SYNC: variants seen among roughly 807,000 people sequenced by gnomAD.
The protein encoded by SYNC is syncoilin, intermediate filament protein, also known as syncoilin.
A neutral mutation model predicts 49.5 loss-of-function variants in SYNC; 38 were observed. The ratio of observed to expected loss-of-function variants is 0.77; its 90% CI spans 0.59 to 1.01. The LOEUF is 1.01. SYNC is among the 50% of genes least tolerant of loss of function. The pLI, the probability that SYNC is intolerant of heterozygous loss-of-function variation, is 0.00. For synonymous variants in SYNC, 201 were observed against 230.8 expected (o/e 0.87, Z 1.17); for missense variants, 579 against 580.6 (o/e 1.00, Z 0.03).
Position 32,679,939 on chromosome 1 carries a change from C to T in SYNC, c.*1911G>A, listed in dbSNP as rs758614329. 126 of 1,292,806 alleles carry T rather than the reference C, an allele frequency of 9.7e-5. No homozygotes were observed. Among genetic ancestry groups the T allele is most frequent in the Non-Finnish European group, 1.1e-4 (117 of 1,023,336 alleles). The allele number at this position is 1,292,806 out of a possible 1,614,324, so 80.1% of individuals were successfully genotyped here. A position where few individuals can be genotyped will look rare whatever the true frequency, so the allele number is the denominator to read the frequency against. On this transcript the variant is annotated 3_prime_UTR_variant, in exon 5 of 5. Transcript: ENST00000409190. ...TTTCTTCAGGAATTTTCTAGTAACC[C>T]AGGTCTAAAGTAGCTACAGAAAGGG... is the stretch of plus-strand genomic sequence containing the variant.
At chr1:32,692,424 A>T (rs1399629691) in intron 2 of SYNC, among the ~76,000 whole-genome samples, 2 of 152,180 alleles carry the variant, frequency 1.3e-5, no homozygotes, top group African/African-American at 2.4e-5. Context: ...TTTAAAAAAT[A>T]GGGTAAGGGG....
intron 4 of SYNC, chr1:32,683,768 G>A: frequency 2.3e-6 from 1 of 432,516 alleles, no homozygotes; most frequent in East Asian, 4.8e-5. Flanking sequence ...GAGTAGCTGG[G>A]ATTATAAGTG....
At chr1:32,689,939 CAA>C (rs11320062) in intron 2 of SYNC, among the ~76,000 whole-genome samples, 2,174 of 100,636 alleles carry the variant, frequency 0.022, 13 homozygotes, top group South Asian at 0.033. Flanking sequence ...GACACCGTCA[CAA>C]AAAAAAAAAA....
intron 1 of SYNC, among the ~76,000 whole-genome samples, chr1:32,699,273 C>A (rs1231218013): frequency 2.0e-5 from 3 of 150,978 alleles, no homozygotes; most frequent in African/African-American, 7.3e-5. Flanking sequence ...CCTGCCTCAG[C>A]CTCCTGAGTA....
At chr1:32,696,775 G>A (rs1272788255) in intron 1 of SYNC, among the ~76,000 whole-genome samples, 1 of 150,596 alleles carries the variant, frequency 6.6e-6, no homozygotes, top group East Asian at 2.0e-4. Flanking sequence ...TAATGTTGAG[G>A]TAAAACCTTC....
At chr1:32,702,796 A>C (rs1255470375), upstream of SYNC, 9 of 704,344 alleles carry the variant, frequency 1.3e-5, no homozygotes, top group East Asian at 1.2e-4. This position sits in a 1 kb window ranked among gnomAD's most constrained non-coding sequence, Gnocchi z 6.2. Flanking sequence ...GGGCGCGCCC[A>C]CTTGGCCGGG....
chr1:32,691,110 C>T (rs1268673727), intron 2 of SYNC, among the ~76,000 whole-genome samples: 8 of 151,710 alleles, frequency 5.3e-5, no homozygotes, highest in Non-Finnish European at 8.8e-5. Flanking sequence ...CCCAGCTACT[C>T]GGGAGGCTGA....
chr1:32,691,565 AAAAGT>A (rs966130691), intron 2 of SYNC, among the ~76,000 whole-genome samples: 7 of 35,554 alleles, frequency 2.0e-4, no homozygotes, highest in Non-Finnish European at 1.0e-3. Context: ...AAAAAAAAAA[AAAAGT>A]AGCAAGGCAA....
intron 1 of SYNC, among the ~76,000 whole-genome samples, chr1:32,699,500 C>T (rs419329): frequency 0.034 from 5,152 of 151,990 alleles, 237 homozygotes; most frequent in African/African-American, 0.1. Context: ...CTCCATCCCC[C>T]TCTTCTGCAT....
rs904375772 is a variant in SYNC at position 32,702,488 on chromosome 1, C to T, written c.53+120G>A. 14 of 1,011,404 alleles carry T rather than the reference C, an allele frequency of 1.4e-5. No homozygotes were observed. Among genetic ancestry groups the T allele is most frequent in the Non-Finnish European group, 1.4e-5 (11 of 805,738 alleles). The allele number at this position is 1,011,404 out of a possible 1,614,324, so 62.7% of individuals were successfully genotyped here. On this transcript the variant is annotated intron_variant, in intron 1 of 4. Coordinates refer to ENST00000409190, the MANE Select transcript of SYNC (RefSeq NM_030786.3). This position sits in a 1 kb window ranked among gnomAD's most constrained non-coding sequence, Gnocchi z 6.2. ...CTCACGAGGCGGCTCCAGTGCCCCA[C>T]CCCGGCTGGACCACTACCCCTAGAC...
At chr1:32,693,081 G>GGT (rs1553200329) in intron 2 of SYNC, among the ~76,000 whole-genome samples, 4 of 65,670 alleles carry the variant, frequency 6.1e-5, no homozygotes, top group Non-Finnish European at 7.5e-5. Context: ...TTTTTTGTTT[G>GGT]TTTGTTTTTG....
chr1:32,695,468 C>T lies in SYNC; in HGVS notation c.630G>A (p.Glu210=), dbSNP rs1473102158. Residue 210 remains glutamate, a synonymous_variant, in exon 2 of 5, where the codon GAG becomes GAA. Coordinates refer to ENST00000409190, the MANE Select transcript of SYNC (RefSeq NM_030786.3). Reference sequence around the variant, plus strand: ...GGATGTCTTGATGGACTTGCTGTACCTCCTGCAGGGCTGGTTCCCGGAGCA... The same window carrying T: ...GGATGTCTTGATGGACTTGCTGTACTTCCTGCAGGGCTGGTTCCCGGAGCA... ...LVLLREPALQ[E]VQQVHQDILA... 3.9e-6 allele frequency: 6 copies of T among 1,551,564 alleles called. No individual in the cohort carries two copies. In the Admixed American group the frequency reaches 1.2e-4, roughly 30 times the overall value.
intron 1 of SYNC, 73 bp from the exon 2 acceptor site, chr1:32,696,117 A>T: frequency 7.7e-7 from 1 of 1,297,992 alleles, no homozygotes; most frequent in South Asian, 1.4e-5. Context: ...GCCAGCAGCC[A>T]TGGGCCTAGA....
At position 32,702,757 on chromosome 1, in the gene SYNC, C is replaced by G; in HGVS notation, c.-97G>C. 9.9e-7 allele frequency: 1 copy of G among 1,007,570 alleles called. No individual in the cohort carries two copies. Among genetic ancestry groups the G allele is most frequent in the Non-Finnish European group, 1.2e-6 (1 of 829,988 alleles). The allele number at this position is 1,007,570 out of a possible 1,614,324, so 62.4% of individuals were successfully genotyped here. A position where few individuals can be genotyped will look rare whatever the true frequency, so the allele number is the denominator to read the frequency against. ...CGCCCGCCGCACTGCCAGCTGCAAC[C>G]GACACCGGATCCCGGCCGGCCCCGG... is the stretch of plus-strand genomic sequence containing the variant. On this transcript the variant is annotated 5_prime_UTR_variant, in exon 1 of 5. Transcript: ENST00000409190. The surrounding 1 kb of genome is among the most constrained non-coding windows in gnomAD (Gnocchi z 6.2).
At chr1:32,702,874 C>G (rs1052800614), upstream of SYNC, 35 of 196,358 alleles carry the variant, frequency 1.8e-4, no homozygotes, top group Non-Finnish European at 9.7e-6. The surrounding 1 kb of genome is among the most constrained non-coding windows in gnomAD (Gnocchi z 6.2). Context: ...CCCTCCCGGA[C>G]CAGCCTGGGG....
chr1:32,688,887 G>A (rs1041474102), intron 2 of SYNC, among the ~76,000 whole-genome samples: 1 of 150,180 alleles, frequency 6.7e-6, no homozygotes, highest in Non-Finnish European at 1.5e-5. Flanking sequence ...GGCCTCTGGA[G>A]TACAAACTCT....
At chr1:32,698,783 CT>C (rs113450268) in intron 1 of SYNC, among the ~76,000 whole-genome samples, 4,324 of 140,314 alleles carry the variant, frequency 0.031, 152 homozygotes, top group African/African-American at 0.092. Flanking sequence ...TTGTTTTTGT[CT>C]TTTTTTTTTT....
At position 32,695,885 on chromosome 1, in the gene SYNC, G is replaced by C; in HGVS notation, c.213C>G (p.Leu71=). 1 of 1,552,044 alleles carries C rather than the reference G, an allele frequency of 6.4e-7. No homozygotes were observed. The highest frequency in any genetic ancestry group is 8.7e-7 in the Non-Finnish European group (1 of 1,147,092). ...CTGCCTTCTCAGTCTCTTGCACATA[G>C]AGTGTCTCATCAAGGTCACCTGTGT... is the stretch of plus-strand genomic sequence containing the variant. ...LEDTGDLDET[L]YVQETEKAEE... Residue 71 remains leucine, a synonymous_variant, in exon 2 of 5, where the codon CTC becomes CTG. Coordinates refer to ENST00000409190, the MANE Select transcript of SYNC (RefSeq NM_030786.3).
chr1:32,689,048 C>G (rs916914278), intron 2 of SYNC, among the ~76,000 whole-genome samples: 1 of 149,552 alleles, frequency 6.7e-6, no homozygotes, highest in Non-Finnish European at 1.5e-5. Flanking sequence ...AAGCAATTCT[C>G]CTGCCTCATC....
Sources: allele counts gnomAD v4.1 joint callset (sites outside exome capture counted in the v4.1 genomes callset), GRCh38; gene constraint gnomAD v4.1.1; non-coding constraint Gnocchi (gnomAD v3.1); transcripts MANE v1.5; gene names NCBI Gene and HGNC (gene_info 2026-07-23, HGNC 2026-07-21).